Variants in PCDH15 observed in about 807,000 individuals in gnomAD.
PCDH15 encodes protocadherin related 15.
In PCDH15, 129 loss-of-function variants were observed where a neutral mutation model predicts 178.5. The ratio of observed to expected loss-of-function variants is 0.72; its 90% confidence interval spans 0.63 to 0.84. The LOEUF (loss-of-function observed/expected upper bound fraction) is 0.84, where lower values mean the gene tolerates loss of function less well. PCDH15 is among the 40% of genes least tolerant of loss of function. PCDH15 has a pLI of 0.00. For synonymous variants in PCDH15, 800 were observed against 732.0 expected (o/e 1.09, Z -1.50); for missense variants, 2,230 against 2,099.9 (o/e 1.06, Z -1.21).
At chr10:54,396,283 C>T (rs543471089) in intron 3 of PCDH15, among the ~76,000 whole-genome samples, 1 of 152,268 alleles carries the variant, frequency 6.6e-6, no homozygotes, top group African/African-American at 2.4e-5. Flanking sequence ...TGTCATGTCG[C>T]TTCCCTAAAA....
At chr10:53,823,971 C>CTGTT (rs1002230186) in intron 32 of PCDH15, among the ~76,000 whole-genome samples, 2 of 152,020 alleles carry the variant, frequency 1.3e-5, no homozygotes, top group Admixed American at 1.3e-4. Flanking sequence ...AGTTTTTCTT[C>CTGTT]TGTTTAAATT....
chr10:54,189,925 A>G (rs10909273), intron 11 of PCDH15, among the ~76,000 whole-genome samples: 44,535 of 141,544 alleles, frequency 0.31, 8,329 homozygotes, highest in East Asian at 0.8. Context: ...ATGCATGTGT[A>G]TGTGTGTGTG....
chr10:53,861,868 T>C (rs1306129734), intron 27 of PCDH15, among the ~76,000 whole-genome samples: 1 of 152,040 alleles, frequency 6.6e-6, no homozygotes, highest in Non-Finnish European at 1.5e-5. Context: ...GCTTGAACTG[T>C]CTTTCCTAAC....
intron 2 of PCDH15, among the ~76,000 whole-genome samples, chr10:54,974,356 T>A: frequency 6.6e-6 from 1 of 152,136 alleles, no homozygotes; most frequent in East Asian, 1.9e-4. Flanking sequence ...ATACATGATA[T>A]ATGTATGCAT....
At position 55,286,891 on chromosome 10, in the gene PCDH15, GACTT is replaced by G. The variant is rs1252974398; in HGVS notation, c.-156+32704_-156+32707del. Among the ~76,000 whole-genome samples the G allele has an allele frequency of 4.6e-5, 7 of 151,868 alleles. No individual in the cohort carries two copies. The East Asian group carries it at 1.4e-3, about 29-fold the overall frequency. On this transcript the variant is annotated intron_variant, in intron 1 of 5. Transcript: ENST00000458638. ...GTATTAGCCAAGTACAGAGTTAATG[GACTT>G]ACTATTTTAGGATCCATTTGTTAAA...
chr10:54,328,216 T>G (rs553529450), intron 7 of PCDH15, among the ~76,000 whole-genome samples: 2 of 152,182 alleles, frequency 1.3e-5, no homozygotes, highest in East Asian at 3.9e-4. Context: ...TACCAGAATG[T>G]TATATATTGG....
intron 2 of PCDH15, among the ~76,000 whole-genome samples, chr10:55,421,225 A>T (rs1335064256): frequency 6.6e-6 from 1 of 151,528 alleles, no homozygotes; most frequent in Admixed American, 6.6e-5. Context: ...TAAAACTCAG[A>T]TAAGTCGAGG....
intron 2 of PCDH15, among the ~76,000 whole-genome samples, chr10:55,107,350 C>T (rs1422230835): frequency 1.3e-5 from 2 of 152,116 alleles, no homozygotes; most frequent in Non-Finnish European, 2.9e-5. Flanking sequence ...ATGTTAACAA[C>T]AGGCTTATCA....
chr10:55,070,665 T>C (rs983676696), intron 2 of PCDH15, among the ~76,000 whole-genome samples: 1 of 152,172 alleles, frequency 6.6e-6, no homozygotes, highest in African/African-American at 2.4e-5. Context: ...TACCATGCTG[T>C]TTTGGTTACT....
intron 2 of PCDH15, among the ~76,000 whole-genome samples, chr10:55,592,591 A>T (rs1564471013): frequency 6.6e-6 from 1 of 152,106 alleles, no homozygotes; most frequent in Non-Finnish European, 1.5e-5. Flanking sequence ...TGGGGTGCCC[A>T]AATCTTTATT....
intron 2 of PCDH15, among the ~76,000 whole-genome samples, chr10:54,560,809 T>C (rs1372963661): frequency 6.6e-6 from 1 of 152,098 alleles, no homozygotes; most frequent in Non-Finnish European, 1.5e-5. Context: ...ATCACCCCAT[T>C]CTTTTTTATT....
At chr10:55,380,433 T>C (rs1346702740) in intron 2 of PCDH15, among the ~76,000 whole-genome samples, 1 of 152,188 alleles carries the variant, frequency 6.6e-6, no homozygotes, top group Non-Finnish European at 1.5e-5. Context: ...AAAGAAATAA[T>C]AGCTTTTGTT....
chr10:54,224,314 T>G (rs2053198865), intron 9 of PCDH15, among the ~76,000 whole-genome samples: 1 of 152,178 alleles, frequency 6.6e-6, no homozygotes, highest in Non-Finnish European at 1.5e-5. Context: ...AACCTTTTAA[T>G]GAACCATGAA....
intron 15 of PCDH15, among the ~76,000 whole-genome samples, chr10:54,125,272 C>A (rs1036966386): frequency 6.6e-6 from 1 of 151,794 alleles, no homozygotes; most frequent in African/African-American, 2.4e-5. Flanking sequence ...TTGCAGTTTC[C>A]AACAAGAAAA....
intron 3 of PCDH15, among the ~76,000 whole-genome samples, chr10:54,852,677 C>G (rs1458849965): frequency 6.6e-6 from 1 of 150,696 alleles, no homozygotes; most frequent in Non-Finnish European, 1.5e-5. Context: ...ATGGTGAAAC[C>G]CCGTTTCTAC....
intron 29 of PCDH15, among the ~76,000 whole-genome samples, chr10:53,834,212 C>T (rs182110875): frequency 1.1e-3 from 174 of 152,150 alleles, no homozygotes; most frequent in African/African-American, 3.9e-3. Flanking sequence ...ACAATTCTCA[C>T]GAGAGAAAGT....
chr10:53,806,396 A>AAACG lies in PCDH15; in HGVS notation c.*179_*182dup. ...TATGTCCAAAAGGATTTTCTGGGAA[A>AAACG]AACGATTAATTGATAACAATGTGAG... On this transcript the variant is annotated 3_prime_UTR_variant, in exon 38 of 38. Transcript: ENST00000644397. The AAACG allele has an allele frequency of 9.0e-6, 5 of 553,188 alleles. No homozygotes were observed. In the South Asian group the frequency reaches 1.6e-4, roughly 17 times the overall value. The allele number at this position is 553,188 out of a possible 1,614,324, so 34.3% of individuals were successfully genotyped here. A position where few individuals can be genotyped will look rare whatever the true frequency, so the allele number is the denominator to read the frequency against.
At chr10:54,320,681 A>G (rs997919452) in intron 7 of PCDH15, among the ~76,000 whole-genome samples, 6 of 152,042 alleles carry the variant, frequency 3.9e-5, no homozygotes, top group Admixed American at 3.9e-4. Flanking sequence ...GAATTAATAG[A>G]CAAATGATGT....
chr10:55,558,083 C>CTAG (rs2132095304), intron 2 of PCDH15, among the ~76,000 whole-genome samples: 2 of 152,042 alleles, frequency 1.3e-5, no homozygotes, highest in South Asian at 4.1e-4. Context: ...ATTAGATGGC[C>CTAG]TAGTGCTGGC....
Sources: gnomAD v4.1 joint callset for allele counts (sites outside exome capture counted in the v4.1 genomes callset) on GRCh38, gnomAD v4.1.1 for gene constraint, MANE v1.5 for transcripts, NCBI Gene and HGNC (gene_info 2026-07-23, HGNC 2026-07-21) for gene names.